The following DTX1 variants were observed in gnomAD, a reference collection of about 807,000 sequenced individuals.
DTX1 encodes E3 ubiquitin-protein ligase DTX1.
A neutral mutation model predicts 57.8 loss-of-function variants in DTX1; 26 were observed. That is an observed-to-expected ratio of 0.45 (90% CI 0.33 to 0.62). DTX1 has a LOEUF of 0.62. Ranked by LOEUF, DTX1 falls within the 20% of genes least tolerant of loss-of-function variation. The pLI is 0.02. For synonymous variants in DTX1, 398 were observed against 394.1 expected, an observed-to-expected ratio of 1.01 and a Z score of -0.12; for missense variants, 704 against 895.3, an observed-to-expected ratio of 0.79 and a Z score of 2.73.
At chr12:113,061,430 G>A (rs769061882) in intron 2 of DTX1, among the ~76,000 whole-genome samples, 7 of 152,192 alleles carry the variant, frequency 4.6e-5, no homozygotes, top group Non-Finnish European at 1.0e-4. Context: ...AAGAAAGGAC[G>A]TCTTGTCCTC....
Position 113,057,562 on chromosome 12 carries a change from G to C in DTX1, c.-631G>C, listed in dbSNP as rs1175655263. The C allele has an allele frequency of 6.9e-6, 1 of 145,544 alleles. No homozygotes were observed. Among genetic ancestry groups the C allele is most frequent in the Non-Finnish European group, 1.5e-5 (1 of 66,320 alleles). The allele number at this position is 145,544 out of a possible 1,614,324, so 9.0% of individuals were successfully genotyped here. On this transcript the variant is annotated 5_prime_UTR_variant, in exon 2 of 10. Coordinates refer to ENST00000548759, the MANE Select transcript of DTX1 (RefSeq NM_004416.3). ...CCAGGCGCGCCGCCCGAGGGTCCAC[G>C]CCGCACCCCTCCCCCGTGCGTTCTG... is the stretch of plus-strand genomic sequence containing the variant.
At chr12:113,057,164 C>A (rs895639828) in intron 1 of DTX1, among the ~76,000 whole-genome samples, 11 of 152,122 alleles carry the variant, frequency 7.2e-5, no homozygotes, top group Admixed American at 6.5e-4. Context: ...CGCACCCCAG[C>A]GCACCCGGCA....
intron 2 of DTX1, among the ~76,000 whole-genome samples, chr12:113,069,448 C>T (rs1009291914): frequency 3.9e-5 from 6 of 152,190 alleles, no homozygotes; most frequent in African/African-American, 1.4e-4. Flanking sequence ...CTCTCCTCCC[C>T]TTGTCTCCCC....
At position 113,093,243 on chromosome 12, in the gene DTX1, G is replaced by C. The variant is rs765803475; in HGVS notation, c.1003+20G>C. 4 of 1,577,270 alleles carry C rather than the reference G, an allele frequency of 2.5e-6. No homozygotes were observed. The highest frequency in any genetic ancestry group is 3.6e-5 in the Admixed American group (2 of 55,022). On this transcript the variant is annotated intron_variant, in intron 4 of 9. Transcript: ENST00000548759. The surrounding 1 kb of genome is among the most constrained non-coding windows in gnomAD (Gnocchi z 4.2). ...TGGCAGGTGAGGTCTGGCCCAGGGCGGGAAAGAAGGGCGGGGCCCACTAGG... is the reference window on the plus strand; with the variant it reads ...TGGCAGGTGAGGTCTGGCCCAGGGCCGGAAAGAAGGGCGGGGCCCACTAGG...
chr12:113,074,084 A>T (rs1175204222), intron 2 of DTX1, among the ~76,000 whole-genome samples: 1 of 152,050 alleles, frequency 6.6e-6, no homozygotes, highest in Non-Finnish European at 1.5e-5. Flanking sequence ...TACAAAAAAA[A>T]TCAGCTGGGT....
At position 113,093,410 on chromosome 12, in the gene DTX1, G is replaced by T. The variant is rs552103053; in HGVS notation, c.1004-129G>T. On this transcript the variant is annotated intron_variant, in intron 4 of 9. Transcript: ENST00000548759. This position sits in a 1 kb window ranked among gnomAD's most constrained non-coding sequence, Gnocchi z 4.2. The stretch of plus-strand genomic sequence containing the variant: ...AAGGCCCTTCAGGGGCCTTCAAGGG[G>T]CTGAGTGGGTGGGGCCCAAGAGCGC... The T allele has an allele frequency of 2.2e-6, 3 of 1,369,960 alleles. No individual in the cohort carries two copies. In the South Asian group the frequency reaches 4.6e-5, roughly 21 times the overall value. 84.9% of individuals were successfully genotyped at this position (1,369,960 alleles called of 1,614,324 possible). A position where few individuals can be genotyped will look rare whatever the true frequency, so the allele number is the denominator to read the frequency against.
chr12:113,082,594 T>C (rs868351459), intron 3 of DTX1, among the ~76,000 whole-genome samples: 18 of 151,894 alleles, frequency 1.2e-4, no homozygotes, highest in African/African-American at 4.4e-4. Context: ...TGTTTCTGTG[T>C]CTTTGTTTTT....
rs1162395168 is a variant in DTX1, at chr12:113,097,017, G to A, written c.*78G>A. 7 of 1,462,500 alleles carry A rather than the reference G, an allele frequency of 4.8e-6. No homozygotes were observed. Among genetic ancestry groups the A allele is most frequent in the Non-Finnish European group, 5.5e-6 (6 of 1,094,780 alleles). 90.6% of individuals were successfully genotyped at this position (1,462,500 alleles called of 1,614,324 possible). A position where few individuals can be genotyped will look rare whatever the true frequency, so the allele number is the denominator to read the frequency against. ...CTCCTTCGCCAGGTGTGTCCTGGTA[G>A]CCCAGGTTCAGGGCTGGGGAGGAGC... On this transcript the variant is annotated 3_prime_UTR_variant, in exon 10 of 10. Transcript: ENST00000548759.
In DTX1 at chr12:113,071,161, T is replaced by C. The variant is rs374516614; in HGVS notation, c.260-6263T>C. On this transcript the variant is annotated intron_variant, in intron 2 of 9. Coordinates refer to ENST00000548759, the MANE Select transcript of DTX1 (RefSeq NM_004416.3). ...GGCCTGTCTCTGACAGTCTCTTTGA[T>C]CATGTATGTCTCTCTCTGTCTCTCT... 2.0e-3 allele frequency among the ~76,000 whole-genome samples: 309 copies of C among 152,342 alleles called. 4 individuals are homozygous for C. The highest frequency in any genetic ancestry group is 6.8e-3 in the African/African-American group (283 of 41,578).
chr12:113,087,818 G>C (rs1267666164), intron 3 of DTX1, among the ~76,000 whole-genome samples: 8 of 152,054 alleles, frequency 5.3e-5, no homozygotes, highest in African/African-American at 1.9e-4. Flanking sequence ...GCTGGGGGTG[G>C]GAGGGGAGAG....
intron 2 of DTX1, among the ~76,000 whole-genome samples, chr12:113,072,103 G>A (rs2044741575): frequency 6.6e-6 from 1 of 152,098 alleles, no homozygotes; most frequent in African/African-American, 2.4e-5. Flanking sequence ...CCACCCTGGG[G>A]GCTGCTTGCT....
rs530634991 is a variant in DTX1, at chr12:113,075,922, A to C, written c.260-1502A>C. ...AGGTGCTGGGGATATAGCAGTAAATAAAACAAAATCCCTGACCTTGTGGCT... is the reference window on the plus strand; with the variant it reads ...AGGTGCTGGGGATATAGCAGTAAATCAAACAAAATCCCTGACCTTGTGGCT... On this transcript the variant is annotated intron_variant, in intron 2 of 9. Coordinates refer to ENST00000548759, the MANE Select transcript of DTX1 (RefSeq NM_004416.3). Among the ~76,000 whole-genome samples, 4 of 152,228 alleles carry C rather than the reference A, an allele frequency of 2.6e-5. No homozygotes were observed. The South Asian group carries it at 8.3e-4, about 32-fold the overall frequency.
chr12:113,093,804 A>C lies in DTX1; in HGVS notation c.1165+104A>C. 3 of 1,511,888 alleles carry C rather than the reference A, an allele frequency of 2.0e-6. No individual in the cohort carries two copies. Among genetic ancestry groups the C allele is most frequent in the Non-Finnish European group, 2.7e-6 (3 of 1,117,296 alleles). 93.7% of individuals were successfully genotyped at this position (1,511,888 alleles called of 1,614,324 possible). ...ACTTATTCTTAGCATTTACTACCTC[A>C]CCTCCATTGCCTGATCTCAGCTCCC... On this transcript the variant is annotated intron_variant, in intron 5 of 9. Coordinates refer to ENST00000548759, the MANE Select transcript of DTX1 (RefSeq NM_004416.3). The surrounding 1 kb of genome is among the most constrained non-coding windows in gnomAD (Gnocchi z 4.2).
At chr12:113,075,960 C>T (rs1311199518) in intron 2 of DTX1, among the ~76,000 whole-genome samples, 1 of 150,214 alleles carries the variant, frequency 6.7e-6, no homozygotes, top group Non-Finnish European at 1.5e-5. Context: ...TACATTCTAG[C>T]GAGGGGGGGA....
chr12:113,093,718 T>A lies in DTX1; in HGVS notation c.1165+18T>A, dbSNP rs775483051. On this transcript the variant is annotated intron_variant, in intron 5 of 9. Coordinates refer to ENST00000548759, the MANE Select transcript of DTX1 (RefSeq NM_004416.3). This position sits in a 1 kb window ranked among gnomAD's most constrained non-coding sequence, Gnocchi z 4.2. ...TAAAAAGAGTACGCCCTCCACGCCCTGCCTCACACGAGATGAACCCCACTA... is the reference window on the plus strand; with the variant it reads ...TAAAAAGAGTACGCCCTCCACGCCCAGCCTCACACGAGATGAACCCCACTA... 38 of 1,611,882 alleles carry A rather than the reference T, an allele frequency of 2.4e-5. No individual in the cohort carries two copies. Among genetic ancestry groups the A allele is most frequent in the Non-Finnish European group, 3.1e-5 (36 of 1,178,708 alleles).
intron 2 of DTX1, among the ~76,000 whole-genome samples, chr12:113,062,829 G>A (rs1042600526): frequency 4.6e-5 from 7 of 152,214 alleles, no homozygotes; most frequent in African/African-American, 9.7e-5. Context: ...TTGTTCAGCC[G>A]TGCCCCCTCA....
Position 113,058,110 on chromosome 12 carries a change from G to A in DTX1, c.-83G>A. 6.8e-7 allele frequency: 1 copy of A among 1,469,418 alleles called. No individual in the cohort carries two copies. Among genetic ancestry groups the A allele is most frequent in the Non-Finnish European group, 9.0e-7 (1 of 1,111,548 alleles). 91.0% of individuals were successfully genotyped at this position (1,469,418 alleles called of 1,614,324 possible). A position where few individuals can be genotyped will look rare whatever the true frequency, so the allele number is the denominator to read the frequency against. On this transcript the variant is annotated 5_prime_UTR_variant, in exon 2 of 10. Transcript: ENST00000548759. ...GGTCCTTGCTGTCCCCCTGGGGAGA[G>A]AGGAAGTTGCCGCCTGCTGCCAGGC... is the stretch of plus-strand genomic sequence containing the variant.
intron 2 of DTX1, among the ~76,000 whole-genome samples, chr12:113,061,663 G>A (rs999155954): frequency 6.6e-6 from 1 of 152,030 alleles, no homozygotes; most frequent in African/African-American, 2.4e-5. Flanking sequence ...GCTCACCACT[G>A]TGGGTACAAG....
At position 113,078,237 on chromosome 12, in the gene DTX1, C is replaced by T. The variant is rs998515309; in HGVS notation, c.941+132C>T. 1.8e-4 allele frequency: 137 copies of T among 768,216 alleles called. No individual in the cohort carries two copies. In the African/African-American group the frequency reaches 2.3e-3, roughly 13 times the overall value. 47.6% of individuals were successfully genotyped at this position (768,216 alleles called of 1,614,324 possible). A position where few individuals can be genotyped will look rare whatever the true frequency, so the allele number is the denominator to read the frequency against. ...ATGACGATAAGTAATATCCAGCATG[C>T]ACTAAATGTTCATTTTGTGCCAAGC... On this transcript the variant is annotated intron_variant, in intron 3 of 9. Coordinates refer to ENST00000548759, the MANE Select transcript of DTX1 (RefSeq NM_004416.3).
Sources: gnomAD v4.1 joint callset for allele counts (sites outside exome capture counted in the v4.1 genomes callset) on GRCh38, gnomAD v4.1.1 for gene constraint, Gnocchi (gnomAD v3.1) non-coding constraint, MANE v1.5 for transcripts, NCBI Gene and HGNC (gene_info 2026-07-23, HGNC 2026-07-21) for gene names.